LIMD1: variants seen among roughly 807,000 people sequenced by gnomAD.
LIMD1 encodes the protein LIM domain containing 1, also known as LIM domain-containing protein 1.
LIMD1 carries 23 observed loss-of-function variants against 58.4 expected under a neutral mutation model. The observed-to-expected ratio is 0.39, with a 90% CI of 0.28 to 0.56. LIMD1 has a LOEUF of 0.56. LIMD1 is among the 20% of genes least tolerant of loss of function. The pLI, the probability that LIMD1 is intolerant of heterozygous loss-of-function variation, is 0.57. For missense variants in LIMD1, 838 were observed against 855.5 expected (o/e 0.98, Z 0.25); for synonymous variants, 334 against 345.5 (o/e 0.97, Z 0.37).
intron 2 of LIMD1, among the ~76,000 whole-genome samples, chr3:45,651,844 C>G (rs546530823): frequency 6.6e-6 from 1 of 152,002 alleles, no homozygotes; most frequent in South Asian, 2.1e-4. Context: ...GTTGGCCAGG[C>G]TGGTCTCAAA....
chr3:45,595,187 C>G lies in LIMD1; in HGVS notation c.308C>G (p.Ala103Gly). The G allele has an allele frequency of 6.2e-7, 1 of 1,603,218 alleles. No individual in the cohort carries two copies. The highest frequency in any genetic ancestry group is 1.3e-5 in the African/African-American group (1 of 74,938). ...AGCAAGCTGACTGTGGATGGTGCTG[C>G]CAAGCCTCCTCTTGCTGCCTCGACA... The part of the protein sequence containing the change: ...VGSKLTVDGA[A>G]KPPLAASTGA... Residue 103 changes from alanine (A) to glycine (G), a missense_variant, in exon 1 of 8, where the codon GCC (alanine) becomes GGC (glycine). Around this residue, in one of 3 missense-constraint regions of LIMD1, gnomAD observed 659 missense variants for 639.8 expected, o/e 1.03. Coordinates refer to ENST00000273317, the MANE Select transcript of LIMD1 (RefSeq NM_014240.3).
intron 1 of LIMD1, among the ~76,000 whole-genome samples, chr3:45,614,463 T>C (rs1352659775): frequency 6.6e-6 from 1 of 150,646 alleles, no homozygotes; most frequent in Admixed American, 6.6e-5. Context: ...GTTCACGCAC[T>C]TTGTAATCCC....
intron 3 of LIMD1, 127 bp from the exon 4 acceptor site, chr3:45,668,167 A>T (rs1697542683): frequency 1.4e-6 from 1 of 692,870 alleles, no homozygotes; most frequent in Non-Finnish European, 2.5e-6. Context: ...GTACTTGGGG[A>T]TGACAGAATT....
At position 45,594,800 on chromosome 3, in the gene LIMD1, C is replaced by CACACACACACACACGGCACCTGG. The variant is rs1559510592; in HGVS notation, c.-66_-65insGGCACCTGGACACACACACACAC. The CACACACACACACACGGCACCTGG allele has an allele frequency of 1.9e-5, 3 of 154,312 alleles. No individual in the cohort carries two copies. The highest frequency in any genetic ancestry group is 7.9e-5 in the African/African-American group (2 of 25,228). The allele number at this position is 154,312 out of a possible 1,614,324, so 9.6% of individuals were successfully genotyped here. On this transcript the variant is annotated 5_prime_UTR_variant, in exon 1 of 8. Transcript: ENST00000273317. ...CTCAACACACACACACACACACACA[C>CACACACACACACACGGCACCTGG]ACACACACACACACACACACACACA... is the stretch of plus-strand genomic sequence containing the variant.
At chr3:45,640,291 T>C (rs1453831994) in intron 2 of LIMD1, among the ~76,000 whole-genome samples, 3 of 152,226 alleles carry the variant, frequency 2.0e-5, no homozygotes, top group Admixed American at 2.0e-4. Flanking sequence ...CCCATTCACT[T>C]AATACATTTC....
intron 2 of LIMD1, 54 bp downstream of exon 2, chr3:45,636,305 A>G: frequency 7.7e-7 from 1 of 1,306,586 alleles, no homozygotes; most frequent in Non-Finnish European, 1.1e-6. Context: ...GAACATGGGA[A>G]CCGAGAAAGG....
intron 6 of LIMD1, 79 bp from the exon 7 acceptor site, chr3:45,674,264 C>T (rs1697635657): frequency 1.8e-6 from 2 of 1,083,028 alleles, no homozygotes; most frequent in Non-Finnish European, 2.8e-6. Context: ...CCTCTTCCCT[C>T]CCCACCCCAC....
chr3:45,650,036 G>A (rs943481648), intron 2 of LIMD1, among the ~76,000 whole-genome samples: 1 of 151,292 alleles, frequency 6.6e-6, no homozygotes, highest in African/African-American at 2.4e-5. Context: ...GGTTTGTTGA[G>A]CTTCTTGGAT....
At chr3:45,600,144 A>G (rs1460382454) in intron 1 of LIMD1, among the ~76,000 whole-genome samples, 3 of 152,156 alleles carry the variant, frequency 2.0e-5, no homozygotes, top group Non-Finnish European at 4.4e-5. Context: ...GTTAGATTCT[A>G]CTTCCAAACA....
intron 2 of LIMD1, among the ~76,000 whole-genome samples, chr3:45,661,704 G>T (rs570080127): frequency 2.6e-5 from 4 of 152,162 alleles, no homozygotes; most frequent in Non-Finnish European, 5.9e-5. Context: ...TAACACTGGG[G>T]TTATCATTCT....
intron 1 of LIMD1, among the ~76,000 whole-genome samples, chr3:45,604,234 G>A (rs555062510): frequency 6.6e-6 from 1 of 152,120 alleles, no homozygotes; most frequent in South Asian, 2.1e-4. Flanking sequence ...CTGGAAGCTC[G>A]CCCTGTAACA....
chr3:45,663,998 G>A (rs1170199475), intron 2 of LIMD1, among the ~76,000 whole-genome samples: 2 of 151,086 alleles, frequency 1.3e-5, no homozygotes, highest in Non-Finnish European at 2.9e-5. Context: ...AGTCTCCCAA[G>A]TAGCTGGGGT....
At chr3:45,622,536 C>T (rs866847256) in intron 1 of LIMD1, among the ~76,000 whole-genome samples, 5 of 152,242 alleles carry the variant, frequency 3.3e-5, no homozygotes, top group South Asian at 2.1e-4. Context: ...ATAAAAATTA[C>T]GTGAATGTGG....
At chr3:45,675,573 C>A (rs1301675560) in intron 7 of LIMD1, among the ~76,000 whole-genome samples, 1 of 151,358 alleles carries the variant, frequency 6.6e-6, no homozygotes, top group Non-Finnish European at 1.5e-5. Flanking sequence ...AGTCATGTAT[C>A]ATTTTAAGTT....
intron 1 of LIMD1, chr3:45,612,966 C>T (rs773058510): frequency 2.6e-5 from 4 of 152,188 alleles, no homozygotes; most frequent in African/African-American, 4.8e-5. Context: ...GGCAACGCTC[C>T]GCCTTCTTGT....
Position 45,676,920 on chromosome 3 carries a change from A to G in LIMD1, c.1894-2A>G, listed in dbSNP as rs775792529. The G allele has an allele frequency of 6.2e-7, 1 of 1,614,090 alleles. No individual in the cohort carries two copies. The highest frequency in any genetic ancestry group is 8.5e-7 in the Non-Finnish European group (1 of 1,179,956). On this transcript the variant is annotated splice_acceptor_variant, in intron 7 of 7. Coordinates refer to ENST00000273317, the MANE Select transcript of LIMD1 (RefSeq NM_014240.3). LOFTEE classifies it high-confidence loss of function. The stretch of plus-strand genomic sequence containing the variant: ...CCCCTGGACATGTCTGCCTCCCCAC[A>G]GGACTGTGGTCTGGAGCTCAATGAT...
chr3:45,649,248 A>G (rs1048941097), intron 2 of LIMD1, among the ~76,000 whole-genome samples: 1 of 151,888 alleles, frequency 6.6e-6, no homozygotes, highest in Non-Finnish European at 1.5e-5. Context: ...GTTTAGATTC[A>G]GGTTTTCATC....
At chr3:45,606,230 A>G (rs1701466796) in intron 1 of LIMD1, among the ~76,000 whole-genome samples, 1 of 152,206 alleles carries the variant, frequency 6.6e-6, no homozygotes, top group Non-Finnish European at 1.5e-5. Flanking sequence ...CCCGCCTAGT[A>G]CTTTTATGAA....
chr3:45,633,972 G>A (rs1701761701), intron 1 of LIMD1, among the ~76,000 whole-genome samples: 1 of 152,188 alleles, frequency 6.6e-6, no homozygotes, highest in South Asian at 2.1e-4. Flanking sequence ...AGAAAAGGAT[G>A]CCTGAGCTCC....
Sources: allele counts gnomAD v4.1 joint callset (sites outside exome capture counted in the v4.1 genomes callset), GRCh38; gene constraint gnomAD v4.1.1; regional missense constraint gnomAD v4.1.1; transcripts MANE v1.5; gene names NCBI Gene and HGNC (gene_info 2026-07-23, HGNC 2026-07-21).